Variants in PIP5K1B observed in about 807,000 individuals in gnomAD.
The protein encoded by PIP5K1B is phosphatidylinositol-4-phosphate 5-kinase type 1 beta, also known as phosphatidylinositol 4-phosphate 5-kinase type-1 beta.
Under a neutral mutation model 67.0 loss-of-function variants are expected in PIP5K1B, and 42 were observed. The observed-to-expected ratio is 0.63, with a 90% confidence interval of 0.49 to 0.81. The LOEUF is 0.81. Ranked by LOEUF, PIP5K1B falls within the 30% of genes least tolerant of loss-of-function variation. The pLI is 0.00. For synonymous variants in PIP5K1B, 214 were observed against 231.4 expected (o/e 0.92, Z 0.68); for missense variants, 459 against 646.3 (o/e 0.71, Z 3.14).
Position 69,000,891 on chromosome 9 carries a change from C to A in PIP5K1B, c.1621-7556C>A, listed in dbSNP as rs377594384. On this transcript the variant is annotated intron_variant, in intron 15 of 15. Transcript: ENST00000265382. ...AGATGGAAAAGGCTTGATGGGAGCA[C>A]AACTTTTTTTTTTTTTTTCTTTTTT... Among the ~76,000 whole-genome samples the A allele has an allele frequency of 7.8e-3, 963 of 122,928 alleles. 12 individuals are homozygous for A. Among genetic ancestry groups the A allele is most frequent in the African/African-American group, 0.026 (919 of 35,504 alleles). 80.6% of individuals were successfully genotyped at this position (122,928 alleles called of 152,430 possible). A position where few individuals can be genotyped will look rare whatever the true frequency, so the allele number is the denominator to read the frequency against.
Position 68,705,423 on chromosome 9 carries a change from C to T in PIP5K1B, c.-582C>T, listed in dbSNP as rs1184044429. On this transcript the variant is annotated 5_prime_UTR_variant, in exon 1 of 16. Coordinates refer to ENST00000265382, the MANE Select transcript of PIP5K1B (RefSeq NM_003558.4). ...CTTTGGCGGCCGCTCGCTGCTCCGT[C>T]TGGCCGGAGGACCGGCGGGGAAGGA... 1.3e-5 allele frequency: 2 copies of T among 151,802 alleles called. No individual in the cohort carries two copies. Among genetic ancestry groups the T allele is most frequent in the South Asian group, 2.1e-4 (1 of 4,842 alleles). The allele number at this position is 151,802 out of a possible 1,614,324, so 9.4% of individuals were successfully genotyped here.
intron 2 of PIP5K1B, among the ~76,000 whole-genome samples, chr9:68,806,151 C>G (rs760915723): frequency 6.6e-6 from 1 of 152,204 alleles, no homozygotes; most frequent in Non-Finnish European, 1.5e-5. Flanking sequence ...GTTCAAGTGT[C>G]CCTCCTTGGT....
In PIP5K1B at chr9:68,738,503, A is replaced by C. The variant is rs117411223; in HGVS notation, c.-242-3998A>C. ...TGAGTACTGTTCCTGTCACCACCATAAACTAGTTGTCATCTTGGGCCAGCA... is the reference window on the plus strand; with the variant it reads ...TGAGTACTGTTCCTGTCACCACCATCAACTAGTTGTCATCTTGGGCCAGCA... On this transcript the variant is annotated intron_variant, in intron 1 of 15. Transcript: ENST00000265382. Among the ~76,000 whole-genome samples, 176 of 152,316 alleles carry C rather than the reference A, an allele frequency of 1.2e-3. 1 individual carries two copies. In the East Asian group the frequency reaches 0.032, roughly 28 times the overall value.
intron 4 of PIP5K1B, among the ~76,000 whole-genome samples, chr9:68,853,201 G>A (rs1158314673): frequency 6.6e-6 from 1 of 152,180 alleles, no homozygotes; most frequent in Non-Finnish European, 1.5e-5. Context: ...AGCGGGACCT[G>A]TGAATCAGTC....
At chr9:68,802,526 G>GAGA in intron 2 of PIP5K1B, among the ~76,000 whole-genome samples, 1 of 152,248 alleles carries the variant, frequency 6.6e-6, no homozygotes, top group East Asian at 1.9e-4. Context: ...TTAAACTGAG[G>GAGA]ATTACAATAT....
At chr9:68,746,050 CAT>C (rs762671800) in intron 2 of PIP5K1B, among the ~76,000 whole-genome samples, 3 of 149,606 alleles carry the variant, frequency 2.0e-5, no homozygotes, top group Non-Finnish European at 3.0e-5. Context: ...TCTTTCCCCA[CAT>C]GTCTCTCTTC....
intron 8 of PIP5K1B, among the ~76,000 whole-genome samples, chr9:68,912,674 A>G (rs1478137763): frequency 6.6e-6 from 1 of 152,198 alleles, no homozygotes; most frequent in Non-Finnish European, 1.5e-5. Flanking sequence ...TTTGCCCAAA[A>G]ACAAGCAAGT....
intron 2 of PIP5K1B, among the ~76,000 whole-genome samples, chr9:68,754,196 G>T (rs1829799979): frequency 7.0e-5 from 1 of 14,252 alleles, no homozygotes; most frequent in Non-Finnish European, 1.3e-4. Flanking sequence ...TTGAGACAGA[G>T]TCTCGCTCTG....
intron 4 of PIP5K1B, among the ~76,000 whole-genome samples, chr9:68,850,476 G>A (rs1822423323): frequency 6.6e-6 from 1 of 152,184 alleles, no homozygotes; most frequent in Non-Finnish European, 1.5e-5. Context: ...CACTGCCCAG[G>A]TGTGACAACC....
At chr9:68,957,100 A>G (rs765523879) in intron 14 of PIP5K1B, among the ~76,000 whole-genome samples, 16 of 152,156 alleles carry the variant, frequency 1.1e-4, no homozygotes, top group Non-Finnish European at 1.9e-4. Flanking sequence ...GGTTCTTTCC[A>G]TCTTTCTGCT....
rs182230862 is a variant in PIP5K1B, at chr9:68,764,577, G to A, written c.-86+21920G>A. On this transcript the variant is annotated intron_variant, in intron 2 of 15. Coordinates refer to ENST00000265382, the MANE Select transcript of PIP5K1B (RefSeq NM_003558.4). Reference sequence around the variant, plus strand: ...GGGTATCTTTCTAGTGAATGCTTTAGGGATATAAACATTTATTTTACTGGA... The same window carrying A: ...GGGTATCTTTCTAGTGAATGCTTTAAGGATATAAACATTTATTTTACTGGA... Among the ~76,000 whole-genome samples, 749 of 152,108 alleles carry A rather than the reference G, an allele frequency of 4.9e-3. 8 individuals are homozygous for A. Among genetic ancestry groups the A allele is most frequent in the Non-Finnish European group, 5.3e-3 (361 of 67,944 alleles).
chr9:68,942,084 G>A (rs1271667693), intron 14 of PIP5K1B, among the ~76,000 whole-genome samples: 1 of 152,180 alleles, frequency 6.6e-6, no homozygotes, highest in Non-Finnish European at 1.5e-5. Flanking sequence ...ATTTGATTTG[G>A]TCAGTTTCCT....
chr9:68,796,545 A>AT (rs1832303973), intron 2 of PIP5K1B, among the ~76,000 whole-genome samples: 1 of 152,154 alleles, frequency 6.6e-6, no homozygotes, highest in Admixed American at 6.5e-5. Context: ...TGCATTTCAG[A>AT]TTTTTTCATG....
intron 8 of PIP5K1B, among the ~76,000 whole-genome samples, chr9:68,915,919 GC>G (rs1250572909): frequency 6.6e-6 from 1 of 152,226 alleles, no homozygotes; most frequent in Non-Finnish European, 1.5e-5. Context: ...ACTTCACAAA[GC>G]CTTTTCTCAG....
intron 2 of PIP5K1B, chr9:68,779,922 T>TACGG: frequency 2.2e-6 from 1 of 462,192 alleles, no homozygotes; most frequent in Admixed American, 3.9e-5. Context: ...CGAAGGAATA[T>TACGG]ACGGACTAGC....
At chr9:68,945,830 A>G (rs1252319887) in intron 14 of PIP5K1B, among the ~76,000 whole-genome samples, 2 of 152,224 alleles carry the variant, frequency 1.3e-5, no homozygotes, top group Non-Finnish European at 2.9e-5. Flanking sequence ...TAAGTTTTAG[A>G]TGATGCTTTT....
At chr9:68,754,919 ATCT>A (rs752087686) in intron 2 of PIP5K1B, among the ~76,000 whole-genome samples, 25 of 152,112 alleles carry the variant, frequency 1.6e-4, no homozygotes, top group Non-Finnish European at 2.6e-4. Flanking sequence ...TCTATATGTG[ATCT>A]TCTTGACATG....
In PIP5K1B at chr9:68,917,759, C is replaced by T. The variant is rs1826173262; in HGVS notation, c.983C>T (p.Thr328Ile). The T allele has an allele frequency of 1.2e-6, 2 of 1,611,124 alleles. No individual in the cohort carries two copies. Among genetic ancestry groups the T allele is most frequent in the Non-Finnish European group, 1.7e-6 (2 of 1,177,638 alleles). The change falls in exon 9 of 16, where the codon ACA becomes ATA. Residue 328 changes from threonine (T) to isoleucine (I), a missense_variant and splice_region_variant. Around this residue, in one of 2 missense-constraint regions of PIP5K1B, gnomAD observed 290 missense variants for 474.4 expected, o/e 0.61. Coordinates refer to ENST00000265382, the MANE Select transcript of PIP5K1B (RefSeq NM_003558.4). ...GGGATAATCACAGAGAACCCAGACA[C>T]GTAAGTGCAGCCACACACCTACCCA... ...GDGIITENPD[T>I]MGGIPAKSHR...
chr9:68,707,977 A>G (rs1827201624), intron 1 of PIP5K1B: 1 of 152,166 alleles, frequency 6.6e-6, no homozygotes, highest in Non-Finnish European at 1.5e-5. Flanking sequence ...ATCCAATGTT[A>G]TCATTTTCTC....
Sources: gnomAD v4.1 joint callset for allele counts (sites outside exome capture counted in the v4.1 genomes callset) on GRCh38, gnomAD v4.1.1 for gene constraint, gnomAD v4.1.1 regional missense constraint, MANE v1.5 for transcripts, NCBI Gene and HGNC (gene_info 2026-07-23, HGNC 2026-07-21) for gene names.